KHDRBS3: variants seen among roughly 807,000 people sequenced by gnomAD.
The protein encoded by KHDRBS3 is KH domain-containing, RNA-binding, signal transduction-associated protein 3.
KHDRBS3 carries 23 observed loss-of-function variants against 45.6 expected under a neutral mutation model. The ratio of observed to expected loss-of-function variants is 0.50; its 90% CI spans 0.36 to 0.72. KHDRBS3 has a LOEUF of 0.72. KHDRBS3 is among the 30% of genes least tolerant of loss of function. The pLI, the probability that KHDRBS3 is intolerant of heterozygous loss-of-function variation, is 0.00. For missense variants in KHDRBS3, 352 were observed against 424.8 expected (o/e 0.83, Z 1.51); for synonymous variants, 162 against 156.5 (o/e 1.04, Z -0.26).
intron 6 of KHDRBS3, among the ~76,000 whole-genome samples, chr8:135,592,059 T>C (rs1487688643): frequency 6.6e-6 from 1 of 152,204 alleles, no homozygotes; most frequent in Non-Finnish European, 1.5e-5. Flanking sequence ...GGTTCTATAA[T>C]TTTTCATATT....
chr8:135,633,480 G>A (rs1177130178), intron 7 of KHDRBS3, among the ~76,000 whole-genome samples: 1 of 152,224 alleles, frequency 6.6e-6, no homozygotes, highest in Admixed American at 6.5e-5. Flanking sequence ...TAAATCAGGT[G>A]AGTCTGCTTT....
chr8:135,588,217 T>C (rs1828573237), intron 6 of KHDRBS3, among the ~76,000 whole-genome samples: 1 of 152,208 alleles, frequency 6.6e-6, no homozygotes, highest in Non-Finnish European at 1.5e-5. Flanking sequence ...TGATAATTTG[T>C]TAGAACGGCT....
chr8:135,634,408 T>C (rs1400408028), intron 7 of KHDRBS3, among the ~76,000 whole-genome samples: 1 of 152,230 alleles, frequency 6.6e-6, no homozygotes, highest in Non-Finnish European at 1.5e-5. Flanking sequence ...CTGATAGGAT[T>C]GCTGAATCTT....
chr8:135,469,316 G>A (rs1188968817), intron 1 of KHDRBS3, among the ~76,000 whole-genome samples: 2 of 152,094 alleles, frequency 1.3e-5, no homozygotes, highest in African/African-American at 2.4e-5. Flanking sequence ...ACGGAGTCTC[G>A]CTCTGTCGCC....
At chr8:135,611,360 G>A (rs1462186014) in intron 7 of KHDRBS3, among the ~76,000 whole-genome samples, 1 of 151,956 alleles carries the variant, frequency 6.6e-6, no homozygotes. Context: ...TTTGAACTGA[G>A]GTCTGACTGT....
intron 6 of KHDRBS3, among the ~76,000 whole-genome samples, chr8:135,587,253 C>T (rs986923055): frequency 5.3e-5 from 8 of 152,288 alleles, no homozygotes; most frequent in Admixed American, 1.3e-4. Context: ...AAAATATTCC[C>T]TGAGTGTGTA....
intron 5 of KHDRBS3, among the ~76,000 whole-genome samples, chr8:135,569,646 G>A (rs200419467): frequency 6.6e-6 from 1 of 152,068 alleles, no homozygotes; most frequent in South Asian, 2.1e-4. Flanking sequence ...ACTGTAGAAC[G>A]TGTGAATCTA....
chr8:135,646,783 T>A (rs1323851455), intron 8 of KHDRBS3, among the ~76,000 whole-genome samples: 1 of 152,236 alleles, frequency 6.6e-6, no homozygotes, highest in East Asian at 1.9e-4. Context: ...CTTCCCACGC[T>A]GACGAATTTT....
chr8:135,603,054 A>G (rs1829288830), intron 6 of KHDRBS3, among the ~76,000 whole-genome samples: 1 of 152,206 alleles, frequency 6.6e-6, no homozygotes, highest in East Asian at 1.9e-4. Context: ...TGTGCTTTGA[A>G]GCTAATTTCT....
intron 1 of KHDRBS3, among the ~76,000 whole-genome samples, chr8:135,468,859 T>C (rs1307239325): frequency 6.6e-6 from 1 of 152,250 alleles, no homozygotes; most frequent in African/African-American, 2.4e-5. Flanking sequence ...CTTGTCAATT[T>C]GTTCAGGTCC....
intron 1 of KHDRBS3, among the ~76,000 whole-genome samples, chr8:135,472,401 A>G (rs1439620164): frequency 6.6e-6 from 1 of 152,232 alleles, no homozygotes; most frequent in Non-Finnish European, 1.5e-5. Flanking sequence ...GATGGTGCCT[A>G]CTAGACTCCA....
chr8:135,643,035 C>T lies in KHDRBS3; in HGVS notation c.891-2024C>T, dbSNP rs192834811. 6.6e-3 allele frequency among the ~76,000 whole-genome samples: 1,001 copies of T among 152,126 alleles called. 7 individuals carry two copies. Among genetic ancestry groups the T allele is most frequent in the Middle Eastern group, 0.037 (11 of 294 alleles). ...GTCTCGATCTTCTGACCTCGTGATC[C>T]GCCCGCCTCAGCCTCCCAAAGTGCT... On this transcript the variant is annotated intron_variant, in intron 7 of 8. Coordinates refer to ENST00000355849, the MANE Select transcript of KHDRBS3 (RefSeq NM_006558.3).
chr8:135,499,622 A>C (rs1334211437), intron 1 of KHDRBS3, among the ~76,000 whole-genome samples: 1 of 152,218 alleles, frequency 6.6e-6, no homozygotes, highest in Non-Finnish European at 1.5e-5. Flanking sequence ...TTTTTGTATG[A>C]CACATTATCT....
chr8:135,514,702 T>A (rs533994006), intron 1 of KHDRBS3, among the ~76,000 whole-genome samples: 8 of 152,298 alleles, frequency 5.3e-5, no homozygotes, highest in East Asian at 1.9e-4. Flanking sequence ...TGGTTTTTTT[T>A]AATAACAGTT....
chr8:135,642,910 A>G (rs1413477482), intron 7 of KHDRBS3, among the ~76,000 whole-genome samples: 2 of 151,540 alleles, frequency 1.3e-5, no homozygotes, highest in Non-Finnish European at 2.9e-5. Context: ...CCCCTGCCTC[A>G]GCATCCCAAG....
chr8:135,478,848 A>G (rs1051955225), intron 1 of KHDRBS3, among the ~76,000 whole-genome samples: 3 of 152,218 alleles, frequency 2.0e-5, no homozygotes, highest in African/African-American at 7.2e-5. Flanking sequence ...AAAGCCCTAT[A>G]TTAAAAATAA....
At chr8:135,627,405 AT>A (rs1347049393) in intron 7 of KHDRBS3, among the ~76,000 whole-genome samples, 1 of 152,208 alleles carries the variant, frequency 6.6e-6, no homozygotes, top group Non-Finnish European at 1.5e-5. Context: ...GCTTCACTCC[AT>A]AAATTTTGCT....
Position 135,548,781 on chromosome 8 carries a change from G to T in KHDRBS3, c.352G>T (p.Ala118Ser), listed in dbSNP as rs568674678. ...KEEELRKSGEAKYFHLNDDLH... is the reference protein window; with the variant it reads ...KEEELRKSGESKYFHLNDDLH... ...AGAAGAGTTGAGGAAAAGTGGAGAAGCGAAGTACTTCCATCTCAATGATGA... is the reference window on the plus strand; with the variant it reads ...AGAAGAGTTGAGGAAAAGTGGAGAATCGAAGTACTTCCATCTCAATGATGA... Residue 118 changes from alanine (A) to serine (S), a missense_variant, in exon 4 of 9, where the codon GCG becomes TCG. Physicochemically the swap from Ala to Ser is moderately conservative, Grantham distance 99. Coordinates refer to ENST00000355849, the MANE Select transcript of KHDRBS3 (RefSeq NM_006558.3). 19 of 1,558,628 alleles carry T rather than the reference G, an allele frequency of 1.2e-5. No homozygotes were observed. Among genetic ancestry groups the T allele is most frequent in the Non-Finnish European group, 1.6e-5 (19 of 1,152,798 alleles).
intron 2 of KHDRBS3, among the ~76,000 whole-genome samples, chr8:135,536,317 G>C (rs1430429365): frequency 7.3e-6 from 1 of 136,056 alleles, no homozygotes; most frequent in Non-Finnish European, 1.5e-5. Context: ...CTTCTGAACT[G>C]AATGTGCAGT....
Sources: allele counts gnomAD v4.1 joint callset (sites outside exome capture counted in the v4.1 genomes callset), GRCh38; gene constraint gnomAD v4.1.1; transcripts MANE v1.5; gene names NCBI Gene and HGNC (gene_info 2026-07-23, HGNC 2026-07-21).